The following CDH4 variants were observed in gnomAD, a reference collection of about 807,000 sequenced individuals.
The protein encoded by CDH4 is cadherin-4.
CDH4 carries 33 observed loss-of-function variants against 86.0 expected under a neutral mutation model. That is an observed-to-expected ratio of 0.38 (90% CI 0.29 to 0.51). CDH4 has a LOEUF of 0.51. Among genes scored for constraint, CDH4 ranks in the 20% least tolerant of loss-of-function variants. The probability of loss-of-function intolerance (pLI) is 0.86; values close to 1 mark genes in which losing one functional copy is unlikely to be tolerated. For synonymous variants in CDH4, 555 were observed against 549.4 expected, an observed-to-expected ratio of 1.01 and a Z score of -0.14; for missense variants, 1,114 against 1,307.4, an observed-to-expected ratio of 0.85 and a Z score of 2.28.
intron 4 of CDH4, among the ~76,000 whole-genome samples, chr20:61,817,813 A>G (rs1452919640): frequency 6.6e-6 from 1 of 152,186 alleles, no homozygotes; most frequent in African/African-American, 2.4e-5. Flanking sequence ...TGGGTTAGAG[A>G]GTGGAGGCCA....
intron 2 of CDH4, among the ~76,000 whole-genome samples, chr20:61,610,797 G>A (rs1173264402): frequency 1.3e-5 from 2 of 152,120 alleles, no homozygotes; most frequent in East Asian, 1.9e-4. Flanking sequence ...CTTCAGATAC[G>A]AATCCATTTC....
chr20:61,383,239 T>C (rs1179476515), intron 2 of CDH4, among the ~76,000 whole-genome samples: 2 of 128,384 alleles, frequency 1.6e-5, no homozygotes, highest in Non-Finnish European at 3.1e-5. Flanking sequence ...TATATGAATA[T>C]ATATGATTAT....
intron 9 of CDH4, among the ~76,000 whole-genome samples, chr20:61,920,243 CGTG>C (rs1354445247): frequency 7.8e-6 from 1 of 127,402 alleles, no homozygotes; most frequent in African/African-American, 3.0e-5. Context: ...TGCATGGAAG[CGTG>C]GTGTCACAGT....
intron 2 of CDH4, among the ~76,000 whole-genome samples, chr20:61,383,423 GAT>G (rs1555844191): frequency 3.1e-5 from 2 of 63,568 alleles, no homozygotes; most frequent in South Asian, 8.8e-4. Flanking sequence ...TGATATATAT[GAT>G]ATATATCATA....
At position 61,565,186 on chromosome 20, in the gene CDH4, GGTC is replaced by G. The variant is rs1453546115; in HGVS notation, c.170-178376_170-178374del. 2.4e-3 allele frequency among the ~76,000 whole-genome samples: 254 copies of G among 104,454 alleles called. 21 individuals are homozygous for G. Among genetic ancestry groups the G allele is most frequent in the African/African-American group, 5.5e-3 (151 of 27,640 alleles). 68.5% of individuals were successfully genotyped at this position (104,454 alleles called of 152,430 possible). On this transcript the variant is annotated intron_variant, in intron 2 of 15. Transcript: ENST00000614565. ...TTGGTGATGGGGTGGTGGTGGTGGTGGTCCTCTTGGTGGTGGTCGCGGTGCTCT... is the reference window on the plus strand; with the variant it reads ...TTGGTGATGGGGTGGTGGTGGTGGTGCTCTTGGTGGTGGTCGCGGTGCTCT...
chr20:61,899,560 T>C (rs1985288657), intron 8 of CDH4, among the ~76,000 whole-genome samples: 1 of 152,046 alleles, frequency 6.6e-6, no homozygotes, highest in African/African-American at 2.4e-5. Context: ...CCCGAGTAGC[T>C]GGAACTACAG....
intron 2 of CDH4, among the ~76,000 whole-genome samples, chr20:61,374,839 C>T (rs921760000): frequency 6.6e-6 from 1 of 152,206 alleles, no homozygotes; most frequent in Non-Finnish European, 1.5e-5. Flanking sequence ...GAAACAGTTG[C>T]GACCTATTTC....
chr20:61,446,135 G>A (rs2085349068), intron 2 of CDH4, among the ~76,000 whole-genome samples: 1 of 152,230 alleles, frequency 6.6e-6, no homozygotes, highest in Admixed American at 6.5e-5. Context: ...GGAAGGGTGT[G>A]TTTTACTAAG....
intron 2 of CDH4, among the ~76,000 whole-genome samples, chr20:61,345,972 C>T (rs558177715): frequency 2.0e-5 from 3 of 152,336 alleles, no homozygotes; most frequent in African/African-American, 4.8e-5. Context: ...TCTGGCAGCA[C>T]GTTCTCCCTT....
At chr20:61,768,542 T>G (rs2088730386) in intron 3 of CDH4, among the ~76,000 whole-genome samples, 1 of 152,332 alleles carries the variant, frequency 6.6e-6, no homozygotes, top group Non-Finnish European at 1.5e-5. Flanking sequence ...AATCAGCAGG[T>G]GTCATCTGTT....
chr20:61,406,317 C>CACCATCTGCTCTGCCTGGACG (rs1568832717), intron 2 of CDH4, among the ~76,000 whole-genome samples: 2 of 146,138 alleles, frequency 1.4e-5, no homozygotes, highest in Admixed American at 6.8e-5. Context: ...CTGCCTGGAC[C>CACCATCTGCTCTGCCTGGACG]ACCATCTGCT....
Position 61,921,847 on chromosome 20 carries a change from C to T in CDH4, c.1375-1604C>T, listed in dbSNP as rs1280498412. Among the ~76,000 whole-genome samples, 6 of 152,120 alleles carry T rather than the reference C, an allele frequency of 3.9e-5. No homozygotes were observed. In the East Asian group the frequency reaches 1.2e-3, roughly 29 times the overall value. On this transcript the variant is annotated intron_variant, in intron 9 of 15. Transcript: ENST00000614565. ...GCTGTGACCCTGACCCCATTCCTTC[C>T]CTCTGATAACGATGATCATTTTTAT...
intron 6 of CDH4, 102 bp from the exon 7 acceptor site, chr20:61,873,626 C>T: frequency 7.7e-7 from 1 of 1,300,944 alleles, no homozygotes; most frequent in Non-Finnish European, 1.1e-6. Context: ...CTACGCCAGA[C>T]TCACGGAGAG....
At chr20:61,262,537 C>T (rs1209194009) in intron 2 of CDH4, among the ~76,000 whole-genome samples, 1 of 152,154 alleles carries the variant, frequency 6.6e-6, no homozygotes, top group South Asian at 2.1e-4. Context: ...CCTGTGGCTT[C>T]TTTGTTTCAG....
At chr20:61,369,262 C>T (rs1405551762) in intron 2 of CDH4, among the ~76,000 whole-genome samples, 2 of 151,670 alleles carry the variant, frequency 1.3e-5, no homozygotes, top group African/African-American at 4.8e-5. Context: ...ACCAGCCTGG[C>T]CAACATAGTG....
At chr20:61,712,171 A>C (rs534624356) in intron 2 of CDH4, among the ~76,000 whole-genome samples, 2 of 152,264 alleles carry the variant, frequency 1.3e-5, no homozygotes, top group African/African-American at 4.8e-5. Context: ...GAGTGGTCCA[A>C]GGGGCCGTCT....
Position 61,663,052 on chromosome 20 carries a change from C to G in CDH4, c.170-80511C>G, listed in dbSNP as rs1568741553. Among the ~76,000 whole-genome samples, 1 of 152,202 alleles carries G rather than the reference C, an allele frequency of 6.6e-6. No individual in the cohort carries two copies. The highest frequency in any genetic ancestry group is 1.9e-4 in the East Asian group (1 of 5,194). On this transcript the variant is annotated intron_variant, in intron 2 of 15. Transcript: ENST00000614565. The surrounding 1 kb of genome is among the most constrained non-coding windows in gnomAD (Gnocchi z 5.0). ...AACCCATGGCCCTGACTCACCTCCC[C>G]CTCCACCATGGTATTGATGACAATG...
intron 2 of CDH4, among the ~76,000 whole-genome samples, chr20:61,527,912 C>T (rs192945598): frequency 1.3e-4 from 20 of 152,248 alleles, no homozygotes; most frequent in African/African-American, 4.3e-4. Flanking sequence ...TCACCCTTTC[C>T]GCATCTTGCT....
intron 2 of CDH4, among the ~76,000 whole-genome samples, chr20:61,495,758 C>G (rs1299813089): frequency 6.6e-6 from 1 of 151,906 alleles, no homozygotes; most frequent in Non-Finnish European, 1.5e-5. Flanking sequence ...TAAAAATTAG[C>G]TGGGCATGGT....
Sources: gnomAD v4.1 joint callset for allele counts (sites outside exome capture counted in the v4.1 genomes callset) on GRCh38, gnomAD v4.1.1 for gene constraint, Gnocchi (gnomAD v3.1) non-coding constraint, MANE v1.5 for transcripts, NCBI Gene and HGNC (gene_info 2026-07-23, HGNC 2026-07-21) for gene names.